LRMDA: variants seen among roughly 807,000 people sequenced by gnomAD.
The protein encoded by LRMDA is leucine rich melanocyte differentiation associated.
LRMDA carries 18 observed loss-of-function variants against 29.8 expected under a neutral mutation model. That is an observed-to-expected ratio of 0.60 (90% CI 0.42 to 0.90). The LOEUF is 0.90. LRMDA is among the 40% of genes least tolerant of loss of function. The probability of loss-of-function intolerance (pLI) is 0.00; values close to 1 mark genes in which losing one functional copy is unlikely to be tolerated. For missense variants in LRMDA, 273 were observed against 273.9 expected, an observed-to-expected ratio of 1.00 and a Z score of 0.02; for synonymous variants, 125 against 109.4, an observed-to-expected ratio of 1.14 and a Z score of -0.89.
chr10:76,028,205 T>G (rs1180234307), intron 2 of LRMDA, among the ~76,000 whole-genome samples: 1 of 152,198 alleles, frequency 6.6e-6, no homozygotes, highest in Non-Finnish European at 1.5e-5. Flanking sequence ...TATTAGAATA[T>G]TCTAGATTCC....
At chr10:76,375,331 AT>A (rs1054128555) in intron 6 of LRMDA, among the ~76,000 whole-genome samples, 4 of 147,798 alleles carry the variant, frequency 2.7e-5, no homozygotes, top group Admixed American at 6.8e-5. Context: ...AAAAAAAAAA[AT>A]ATGTTACCAG....
At chr10:75,571,191 A>G (rs182694209) in intron 2 of LRMDA, among the ~76,000 whole-genome samples, 1 of 152,276 alleles carries the variant, frequency 6.6e-6, no homozygotes, top group East Asian at 1.9e-4. Flanking sequence ...TTGGTTACTG[A>G]CTTAGTGTAG....
intron 5 of LRMDA, among the ~76,000 whole-genome samples, chr10:76,145,899 C>A (rs1850307538): frequency 6.6e-6 from 1 of 150,484 alleles, no homozygotes; most frequent in Admixed American, 6.6e-5. Context: ...TGTCTTTGTT[C>A]TCATTGGTTT....
intron 2 of LRMDA, among the ~76,000 whole-genome samples, chr10:75,510,569 C>G (rs1025044554): frequency 6.6e-6 from 1 of 152,122 alleles, no homozygotes; most frequent in African/African-American, 2.4e-5. Flanking sequence ...AAATATAATT[C>G]GAGCTGAGTT....
chr10:76,329,113 C>T (rs938619444), intron 6 of LRMDA, among the ~76,000 whole-genome samples: 5 of 152,182 alleles, frequency 3.3e-5, no homozygotes, highest in Admixed American at 3.3e-4. Context: ...TTGCCCTGCT[C>T]CTCCATCTCT....
intron 2 of LRMDA, among the ~76,000 whole-genome samples, chr10:75,562,528 C>T (rs1335247970): frequency 6.6e-6 from 1 of 152,086 alleles, no homozygotes; most frequent in South Asian, 2.1e-4. Flanking sequence ...AGTCCATTTA[C>T]ATTTAAAGTT....
At chr10:76,198,555 T>C (rs1391431425) in intron 5 of LRMDA, among the ~76,000 whole-genome samples, 1 of 152,216 alleles carries the variant, frequency 6.6e-6, no homozygotes, top group Non-Finnish European at 1.5e-5. Flanking sequence ...GCCTGCTTAA[T>C]TGCTGAGCAG....
rs368112211 is a variant in LRMDA at position 76,056,721 on chromosome 10, G to A, written c.399-1945G>A. On this transcript the variant is annotated intron_variant, in intron 4 of 6. Coordinates refer to ENST00000611255, the MANE Select transcript of LRMDA (RefSeq NM_001305581.2). Reference sequence around the variant, plus strand: ...AAAATTGGAGTGGGCATTGGGAGTCGGGAGAGGCCAGGCAGTGGGAGCAGG... The same window carrying A: ...AAAATTGGAGTGGGCATTGGGAGTCAGGAGAGGCCAGGCAGTGGGAGCAGG... Among the ~76,000 whole-genome samples, 377 of 152,316 alleles carry A rather than the reference G, an allele frequency of 2.5e-3. 2 individuals carry two copies. The highest frequency in any genetic ancestry group is 7.5e-3 in the African/African-American group (311 of 41,578).
chr10:76,323,918 C>T (rs1840802520), intron 5 of LRMDA, among the ~76,000 whole-genome samples: 1 of 152,202 alleles, frequency 6.6e-6, no homozygotes, highest in Admixed American at 6.5e-5. Flanking sequence ...ATATCCTTTC[C>T]TATGGTGACT....
At chr10:75,785,233 A>G (rs1843451740) in intron 2 of LRMDA, among the ~76,000 whole-genome samples, 1 of 152,186 alleles carries the variant, frequency 6.6e-6, no homozygotes, top group African/African-American at 2.4e-5. Flanking sequence ...TGTCTTCTGA[A>G]TTTATGCTAT....
At chr10:76,113,373 C>CT (rs200051485) in intron 5 of LRMDA, among the ~76,000 whole-genome samples, 120 of 148,824 alleles carry the variant, frequency 8.1e-4, no homozygotes, top group African/African-American at 2.6e-3. Flanking sequence ...CCTCTAGAGA[C>CT]TTTTTTTTTT....
chr10:75,812,147 G>T lies in LRMDA; in HGVS notation c.132-223861G>T, dbSNP rs1209498574. ...TTTTTTTTTTTTTTTTTAGCAGAGCGGCATTAGTTTGCTTCATATGTCTTT... is the reference window on the plus strand; with the variant it reads ...TTTTTTTTTTTTTTTTTAGCAGAGCTGCATTAGTTTGCTTCATATGTCTTT... On this transcript the variant is annotated intron_variant, in intron 2 of 6. Transcript: ENST00000611255. Among the ~76,000 whole-genome samples the T allele has an allele frequency of 2.9e-5, 3 of 102,548 alleles. 1 individual carries two copies. The highest frequency in any genetic ancestry group is 1.1e-4 in the African/African-American group (3 of 26,898). 67.3% of individuals were successfully genotyped at this position (102,548 alleles called of 152,430 possible).
intron 2 of LRMDA, among the ~76,000 whole-genome samples, chr10:75,486,718 C>T (rs77551476): frequency 0.011 from 1,637 of 152,272 alleles, 34 homozygotes; most frequent in African/African-American, 0.038. Context: ...ACACCCTCCT[C>T]CTTGGGCTTT....
intron 6 of LRMDA, among the ~76,000 whole-genome samples, chr10:76,526,417 GCAAGATGAAGAAGGATGTCTTTCC>G: frequency 6.6e-6 from 1 of 152,088 alleles, no homozygotes; most frequent in East Asian, 1.9e-4. Flanking sequence ...CTCACCCAAA[GCAAGATGAAGAAGGATGTCTTTCC>G]CTTATGAGGC....
chr10:76,212,454 T>G (rs1439200109), intron 5 of LRMDA, among the ~76,000 whole-genome samples: 1 of 151,988 alleles, frequency 6.6e-6, no homozygotes, highest in Non-Finnish European at 1.5e-5. Context: ...GGGCCTCCCT[T>G]TTTTTTGGAA....
chr10:76,440,683 C>T (rs1231217233), intron 6 of LRMDA, among the ~76,000 whole-genome samples: 1 of 152,084 alleles, frequency 6.6e-6, no homozygotes, highest in Non-Finnish European at 1.5e-5. Context: ...AATGATGCCC[C>T]TTCAAGCAGA....
intron 2 of LRMDA, among the ~76,000 whole-genome samples, chr10:75,531,918 C>T (rs935139252): frequency 4.0e-5 from 6 of 151,550 alleles, no homozygotes; most frequent in Admixed American, 2.0e-4. Flanking sequence ...AATTGGTGTG[C>T]ACCTGTAGTC....
At chr10:75,635,855 G>T (rs1406168057) in intron 2 of LRMDA, among the ~76,000 whole-genome samples, 1 of 151,818 alleles carries the variant, frequency 6.6e-6, no homozygotes, top group Non-Finnish European at 1.5e-5. Flanking sequence ...CATGGGTTGT[G>T]GTTGTGGGCT....
At chr10:76,288,790 G>A (rs1364016136) in intron 5 of LRMDA, among the ~76,000 whole-genome samples, 6 of 152,190 alleles carry the variant, frequency 3.9e-5, no homozygotes, top group Middle Eastern at 3.2e-3. Context: ...TTCCGTAGGA[G>A]AAAGGAAGAG....
Sources: gnomAD v4.1 joint callset for allele counts (sites outside exome capture counted in the v4.1 genomes callset) on GRCh38, gnomAD v4.1.1 for gene constraint, MANE v1.5 for transcripts, NCBI Gene and HGNC (gene_info 2026-07-23, HGNC 2026-07-21) for gene names.